The following KIRREL3 variants were observed in gnomAD, a reference collection of about 807,000 sequenced individuals.
KIRREL3 encodes the protein kirre like nephrin family adhesion molecule 3.
A neutral mutation model predicts 89.7 loss-of-function variants in KIRREL3; 36 were observed. The observed-to-expected ratio is 0.40, with a 90% CI of 0.31 to 0.53. The LOEUF is 0.53. KIRREL3 is among the 20% of genes least tolerant of loss of function. The probability of loss-of-function intolerance (pLI) is 0.49; values close to 1 mark genes in which losing one functional copy is unlikely to be tolerated. For synonymous variants in KIRREL3, 445 were observed against 441.4 expected (o/e 1.01, Z -0.10); for missense variants, 864 against 1,056.6 (o/e 0.82, Z 2.53).
At position 126,830,735 on chromosome 11, in the gene KIRREL3, C is replaced by A. The variant is rs1459201664; in HGVS notation, c.55+169720G>T. Among the ~76,000 whole-genome samples the A allele has an allele frequency of 6.6e-6, 1 of 152,168 alleles. No individual in the cohort carries two copies. Among genetic ancestry groups the A allele is most frequent in the African/African-American group, 2.4e-5 (1 of 41,438 alleles). ...AGCATAGCAGCTGAATGTGAAAGCT[C>A]TTGAAATGATTTCTTCTCAAATAGT... On this transcript the variant is annotated intron_variant, in intron 1 of 16. Transcript: ENST00000525144. This position sits in a 1 kb window ranked among gnomAD's most constrained non-coding sequence, Gnocchi z 4.9.
chr11:126,434,652 G>A lies in KIRREL3; in HGVS notation c.1588+616C>T, dbSNP rs986352835. ...GATTCTCTTTTCTGGTTTTCTGCTC[G>A]GGGTGGGGTTGAGAGCAACTCCGCC... On this transcript the variant is annotated intron_variant, in intron 13 of 16. Transcript: ENST00000525144. Among the ~76,000 whole-genome samples the A allele has an allele frequency of 2.0e-5, 3 of 152,316 alleles. No homozygotes were observed. In the South Asian group the frequency reaches 6.2e-4, roughly 32 times the overall value.
In KIRREL3 at chr11:126,647,612, A is replaced by T. The variant is rs1650780654; in HGVS notation, c.56-84700T>A. 6.6e-6 allele frequency among the ~76,000 whole-genome samples: 1 copy of T among 152,182 alleles called. No homozygotes were observed. On this transcript the variant is annotated intron_variant, in intron 1 of 16. Transcript: ENST00000525144. This position sits in a 1 kb window ranked among gnomAD's most constrained non-coding sequence, Gnocchi z 4.9. ...GCAAATCCCTTTGGTTCTTCCTTCAAAGTAAATTTGGAATCTGGTCTTCTT... is the reference window on the plus strand; with the variant it reads ...GCAAATCCCTTTGGTTCTTCCTTCATAGTAAATTTGGAATCTGGTCTTCTT...
rs79160952 is a variant in KIRREL3, at chr11:126,996,984, C to T, written c.55+3471G>A. Among the ~76,000 whole-genome samples, 5 of 152,008 alleles carry T rather than the reference C, an allele frequency of 3.3e-5. No individual in the cohort carries two copies. Among genetic ancestry groups the T allele is most frequent in the Admixed American group, 1.3e-4 (2 of 15,270 alleles). On this transcript the variant is annotated intron_variant, in intron 1 of 16. Transcript: ENST00000525144. This position sits in a 1 kb window ranked among gnomAD's most constrained non-coding sequence, Gnocchi z 4.7. ...AAGAGCGAGTGTCTGGAGTAGAAGG[C>T]GCCAAGTTCTTGCCACTGTGGCTCC...
In KIRREL3 at chr11:126,551,457, C is replaced by G. The variant is rs1199869332; in HGVS notation, c.133+11378G>C. On this transcript the variant is annotated intron_variant, in intron 2 of 16. Coordinates refer to ENST00000525144, the MANE Select transcript of KIRREL3 (RefSeq NM_032531.4). This position sits in a 1 kb window ranked among gnomAD's most constrained non-coding sequence, Gnocchi z 4.9. The stretch of plus-strand genomic sequence containing the variant: ...GCTATGGGAGTTATGAGCCGGGAAC[C>G]GTGGATGAAATCCCCCCACCCCATG... Among the ~76,000 whole-genome samples, 1 of 152,112 alleles carries G rather than the reference C, an allele frequency of 6.6e-6. No individual in the cohort carries two copies. The highest frequency in any genetic ancestry group is 2.1e-4 in the South Asian group (1 of 4,828).
In KIRREL3 at chr11:126,521,368, C is replaced by A; in HGVS notation, c.380G>T (p.Cys127Phe). ...AELQDDAVYE[C>F]QAIQAAIRSR... Reference sequence around the variant, plus strand: ...GCGGATGGCGGCCTGGATGGCCTGGCACTCGTACACCGCATCGTCTTGCAG... The same window carrying A: ...GCGGATGGCGGCCTGGATGGCCTGGAACTCGTACACCGCATCGTCTTGCAG... The change falls in exon 4 of 17, where the codon TGC (cysteine) becomes TTC (phenylalanine). Residue 127 changes from cysteine (C) to phenylalanine (F), a missense_variant. Cys to Phe is a radical substitution (Grantham distance 205). Coordinates refer to ENST00000525144, the MANE Select transcript of KIRREL3 (RefSeq NM_032531.4). The surrounding 1 kb of genome is among the most constrained non-coding windows in gnomAD (Gnocchi z 4.1). 1 of 1,557,896 alleles carries A rather than the reference C, an allele frequency of 6.4e-7. No individual in the cohort carries two copies. Among genetic ancestry groups the A allele is most frequent in the East Asian group, 2.4e-5 (1 of 41,268 alleles).
chr11:126,844,649 T>C lies in KIRREL3; in HGVS notation c.55+155806A>G, dbSNP rs1565345781. Among the ~76,000 whole-genome samples, 1 of 152,096 alleles carries C rather than the reference T, an allele frequency of 6.6e-6. No individual in the cohort carries two copies. The highest frequency in any genetic ancestry group is 1.5e-5 in the Non-Finnish European group (1 of 68,006). On this transcript the variant is annotated intron_variant, in intron 1 of 16. Transcript: ENST00000525144. The surrounding 1 kb of genome is among the most constrained non-coding windows in gnomAD (Gnocchi z 4.8). ...GGAAGGTTAGAGTCCTTCCTAAGAT[T>C]TAGGGAATTAGAGGCCTCTCTTGGT...
rs2134949379 is a variant in KIRREL3 at position 126,645,556 on chromosome 11, G to C, written c.56-82644C>G. On this transcript the variant is annotated intron_variant, in intron 1 of 16. Transcript: ENST00000525144. This position sits in a 1 kb window ranked among gnomAD's most constrained non-coding sequence, Gnocchi z 4.9. ...ATAAATCAGAATATGCACTTGAACT[G>C]GGCTACAGTGTTCCACCAGAGGCCT... 6.6e-6 allele frequency among the ~76,000 whole-genome samples: 1 copy of C among 152,240 alleles called. No individual in the cohort carries two copies. Among genetic ancestry groups the C allele is most frequent in the East Asian group, 1.9e-4 (1 of 5,180 alleles).
At chr11:126,661,543 G>A (rs1433076041) in intron 1 of KIRREL3, among the ~76,000 whole-genome samples, 6 of 152,214 alleles carry the variant, frequency 3.9e-5, no homozygotes, top group Non-Finnish European at 8.8e-5. Flanking sequence ...TAGAGGGTCT[G>A]CTGATTTCAT....
At position 126,666,334 on chromosome 11, in the gene KIRREL3, G is replaced by A. The variant is rs947287223; in HGVS notation, c.56-103422C>T. On this transcript the variant is annotated intron_variant, in intron 1 of 16. Transcript: ENST00000525144. The surrounding 1 kb of genome is among the most constrained non-coding windows in gnomAD (Gnocchi z 4.2). ...CCTCTTTCTGCAGGGATAAGAGTGA[G>A]CATGGAAGTACTTAAGCACCAGGGA... Among the ~76,000 whole-genome samples the A allele has an allele frequency of 1.3e-5, 2 of 152,178 alleles. No individual in the cohort carries two copies. Among genetic ancestry groups the A allele is most frequent in the Non-Finnish European group, 2.9e-5 (2 of 68,032 alleles).
intron 1 of KIRREL3, among the ~76,000 whole-genome samples, chr11:126,821,347 A>ATATATATATATATATG (rs1344371968): frequency 4.3e-5 from 5 of 115,930 alleles, no homozygotes; most frequent in African/African-American, 1.4e-4. Context: ...ATATATATAT[A>ATATATATATATATATG]TATATGTAAC....
chr11:126,976,564 G>A lies in KIRREL3; in HGVS notation c.55+23891C>T, dbSNP rs1263821956. Among the ~76,000 whole-genome samples the A allele has an allele frequency of 6.6e-6, 1 of 152,034 alleles. No homozygotes were observed. The highest frequency in any genetic ancestry group is 1.5e-5 in the Non-Finnish European group (1 of 68,024). ...TATTATTCACCCAGAATGGTACCAG[G>A]ATCATATTTTCAAACGGTTTCAGTG... On this transcript the variant is annotated intron_variant, in intron 1 of 16. Coordinates refer to ENST00000525144, the MANE Select transcript of KIRREL3 (RefSeq NM_032531.4). The surrounding 1 kb of genome is among the most constrained non-coding windows in gnomAD (Gnocchi z 4.2).
At chr11:126,832,021 A>G (rs1459723895) in intron 1 of KIRREL3, among the ~76,000 whole-genome samples, 1 of 152,238 alleles carries the variant, frequency 6.6e-6, no homozygotes, top group Admixed American at 6.5e-5. Flanking sequence ...AATTGGCTTT[A>G]TACTACTTAA....
intron 1 of KIRREL3, among the ~76,000 whole-genome samples, chr11:126,846,156 G>A (rs1178640974): frequency 2.0e-5 from 3 of 152,172 alleles, no homozygotes; most frequent in Non-Finnish European, 2.9e-5. Context: ...TTTTGGGAAT[G>A]GGCTGATTCC....
intron 1 of KIRREL3, among the ~76,000 whole-genome samples, chr11:126,863,465 G>A (rs1324277468): frequency 1.1e-3 from 7 of 6,588 alleles, no homozygotes; most frequent in Admixed American, 4.8e-3. Context: ...TTGAGTGCGT[G>A]TGTGTGTGAG....
chr11:126,933,059 G>T (rs1160026387), intron 1 of KIRREL3, among the ~76,000 whole-genome samples: 3 of 152,102 alleles, frequency 2.0e-5, no homozygotes, highest in African/African-American at 7.2e-5. Context: ...TTGTGCCCCT[G>T]TTACTCCATC....
intron 1 of KIRREL3, among the ~76,000 whole-genome samples, chr11:126,634,060 G>A (rs750166685): frequency 6.6e-6 from 1 of 152,194 alleles, no homozygotes; most frequent in Non-Finnish European, 1.5e-5. Context: ...GTCAGGTGTG[G>A]TAATCTGGCT....
intron 1 of KIRREL3, among the ~76,000 whole-genome samples, chr11:126,718,352 C>T (rs907299739): frequency 6.0e-5 from 9 of 151,220 alleles, no homozygotes; most frequent in Non-Finnish European, 7.4e-5. Flanking sequence ...GTGCAAGTTG[C>T]GGAACCCAAC....
At chr11:126,835,655 G>C (rs1943755501) in intron 1 of KIRREL3, among the ~76,000 whole-genome samples, 1 of 152,160 alleles carries the variant, frequency 6.6e-6, no homozygotes, top group Non-Finnish European at 1.5e-5. Context: ...GGCTCAGAGG[G>C]GGACACAGAT....
rs570224115 is a variant in KIRREL3, at chr11:126,444,839, T to A, written c.1252+140A>T. On this transcript the variant is annotated intron_variant, in intron 10 of 16. Transcript: ENST00000525144. ...TGACGGGGAATCCAGGAGGTGGACC[T>A]AATTGTTGTCTACCCATAGTTGGAG... The A allele has an allele frequency of 5.2e-5, 59 of 1,134,030 alleles. No individual in the cohort carries two copies. The Admixed American group carries it at 9.4e-4, about 18-fold the overall frequency. The allele number at this position is 1,134,030 out of a possible 1,614,324, so 70.2% of individuals were successfully genotyped here.
Sources: allele counts gnomAD v4.1 joint callset (sites outside exome capture counted in the v4.1 genomes callset), GRCh38; gene constraint gnomAD v4.1.1; non-coding constraint Gnocchi (gnomAD v3.1); transcripts MANE v1.5; gene names NCBI Gene and HGNC (gene_info 2026-07-23, HGNC 2026-07-21).